The following SERPINF2 variants were observed in gnomAD, a reference collection of about 807,000 sequenced individuals.
SERPINF2 encodes the protein serpin family F member 2.
Under a neutral mutation model 45.0 loss-of-function variants are expected in SERPINF2, and 15 were observed. The ratio of observed to expected loss-of-function variants is 0.33; its 90% CI spans 0.22 to 0.51. The LOEUF (loss-of-function observed/expected upper bound fraction) is 0.51, where lower values mean the gene tolerates loss of function less well. SERPINF2 is among the 20% of genes least tolerant of loss of function. The pLI is 0.97. For missense variants in SERPINF2, 518 were observed against 637.4 expected (o/e 0.81, Z 2.02); for synonymous variants, 283 against 277.9 (o/e 1.02, Z -0.18).
rs1425343991 is a variant in SERPINF2, at chr17:1,745,238, A to AT, written c.102+26dup. The AT allele has an allele frequency of 2.2e-6, 3 of 1,339,596 alleles. No homozygotes were observed. The highest frequency in any genetic ancestry group is 3.0e-6 in the Non-Finnish European group (3 of 1,005,630). The allele number at this position is 1,339,596 out of a possible 1,614,324, so 83.0% of individuals were successfully genotyped here. On this transcript the variant is annotated intron_variant, in intron 3 of 9. Transcript: ENST00000453066. The surrounding 1 kb of genome is among the most constrained non-coding windows in gnomAD (Gnocchi z 6.2). ...GGTACTGGGGAGTGAGGAGCCTGTG[A>AT]TGGGGGGAAGGTCCCGGGGGTCTCA...
Position 1,745,463 on chromosome 17 carries a change from G to C in SERPINF2, c.165+68G>C. 1 of 1,473,456 alleles carries C rather than the reference G, an allele frequency of 6.8e-7. No homozygotes were observed. Among genetic ancestry groups the C allele is most frequent in the Non-Finnish European group, 9.4e-7 (1 of 1,067,638 alleles). 91.3% of individuals were successfully genotyped at this position (1,473,456 alleles called of 1,614,324 possible). ...GGAGGAGGGCCCATCGGCAGGGGTC[G>C]GGGGGTGGGGGCGCGTGCTGAGGCT... On this transcript the variant is annotated intron_variant, in intron 4 of 9. Coordinates refer to ENST00000453066, the MANE Select transcript of SERPINF2 (RefSeq NM_000934.4). The surrounding 1 kb of genome is among the most constrained non-coding windows in gnomAD (Gnocchi z 6.2).
chr17:1,747,644 A>G (rs1343652668), intron 7 of SERPINF2, 132 bp downstream of exon 7: 1 of 959,392 alleles, frequency 1.0e-6, no homozygotes, highest in Non-Finnish European at 1.6e-6. Context: ...GGCTCCCTGC[A>G]ACCTCCGCCT....
intron 7 of SERPINF2, among the ~76,000 whole-genome samples, chr17:1,748,291 G>A (rs1166245636): frequency 8.1e-5 from 11 of 136,566 alleles, no homozygotes; most frequent in African/African-American, 2.9e-4. Context: ...GCGACAGAGC[G>A]AGACTCCGTC....
intron 8 of SERPINF2, among the ~76,000 whole-genome samples, chr17:1,751,042 C>T (rs554478728): frequency 3.9e-5 from 6 of 152,350 alleles, no homozygotes; most frequent in South Asian, 4.1e-4. Context: ...TATCCTCCCA[C>T]GGGCAGGGGT....
At position 1,754,450 on chromosome 17, in the gene SERPINF2, C is replaced by T; in HGVS notation, c.1392C>T (p.Pro464=). 1 of 1,609,214 alleles carries T rather than the reference C, an allele frequency of 6.2e-7. No individual in the cohort carries two copies. Among genetic ancestry groups the T allele is most frequent in the Admixed American group, 1.7e-5 (1 of 59,554 alleles). Residue 464 remains proline (P), a synonymous_variant, in exon 10 of 10, where the codon CCC becomes CCT. Coordinates refer to ENST00000453066, the MANE Select transcript of SERPINF2 (RefSeq NM_000934.4). Reference sequence around the variant, plus strand: ...TCCTCCAGAGCCTGAAAGGCTTCCCCCGCGGAGACAAGCTTTTCGGCCCTG... The same window carrying T: ...TCCTCCAGAGCCTGAAAGGCTTCCCTCGCGGAGACAAGCTTTTCGGCCCTG... ...KDFLQSLKGF[P]RGDKLFGPDL...
intron 1 of SERPINF2, chr17:1,744,517 C>T: frequency 1.0e-6 from 1 of 983,598 alleles, no homozygotes; most frequent in East Asian, 1.1e-4. Context: ...CAAAAAATCC[C>T]AAAAAGACGG....
chr17:1,746,182 G>A (rs374599910), intron 5 of SERPINF2, among the ~76,000 whole-genome samples: 2 of 152,152 alleles, frequency 1.3e-5, no homozygotes, highest in African/African-American at 4.8e-5. Flanking sequence ...GCTGTGCGTG[G>A]TGGTGCGCAC....
rs1905736389 is a variant in SERPINF2, at chr17:1,745,521, G to T, written c.165+126G>T. On this transcript the variant is annotated intron_variant, in intron 4 of 9. Coordinates refer to ENST00000453066, the MANE Select transcript of SERPINF2 (RefSeq NM_000934.4). This position sits in a 1 kb window ranked among gnomAD's most constrained non-coding sequence, Gnocchi z 6.2. ...TGGAGTCCAGAGGCCAGAAGGGAGAGAGGGTGGGGAGGACCGAAGGTGGGC... is the reference window on the plus strand; with the variant it reads ...TGGAGTCCAGAGGCCAGAAGGGAGATAGGGTGGGGAGGACCGAAGGTGGGC... The T allele has an allele frequency of 7.9e-7, 1 of 1,264,570 alleles. No individual in the cohort carries two copies. The highest frequency in any genetic ancestry group is 1.5e-5 in the African/African-American group (1 of 67,952). The allele number at this position is 1,264,570 out of a possible 1,614,324, so 78.3% of individuals were successfully genotyped here.
chr17:1,746,938 G>A, intron 5 of SERPINF2, 81 bp from the exon 6 acceptor site: 1 of 1,541,382 alleles, frequency 6.5e-7, no homozygotes, highest in Non-Finnish European at 8.8e-7. Flanking sequence ...CCTCGTCACG[G>A]GTATCCAGGA....
chr17:1,744,681 A>G (rs1905627963), intron 1 of SERPINF2: 1 of 985,454 alleles, frequency 1.0e-6, no homozygotes, highest in African/African-American at 1.7e-5. Context: ...TTCACAGCGC[A>G]GGGCCTTGTA....
chr17:1,751,952 C>G (rs1023550825), intron 8 of SERPINF2, among the ~76,000 whole-genome samples: 1 of 138,780 alleles, frequency 7.2e-6, no homozygotes, highest in South Asian at 2.4e-4. Flanking sequence ...ACAGGCGATT[C>G]CTTACGCCGG....
chr17:1,745,935 C>T lies in SERPINF2; in HGVS notation c.367+26C>T. The T allele has an allele frequency of 1.9e-6, 3 of 1,604,042 alleles. No homozygotes were observed. Among genetic ancestry groups the T allele is most frequent in the Non-Finnish European group, 2.6e-6 (3 of 1,175,242 alleles). On this transcript the variant is annotated intron_variant, in intron 5 of 9. Transcript: ENST00000453066. This position sits in a 1 kb window ranked among gnomAD's most constrained non-coding sequence, Gnocchi z 6.2. The stretch of plus-strand genomic sequence containing the variant: ...GTACCCTGGCACCACTTGTCCAGAC[C>T]AAGAGAGCTGGGAGGCCAGTAGGAA...
In SERPINF2 at chr17:1,745,766, C is replaced by T. The variant is rs139043729; in HGVS notation, c.224C>T (p.Thr75Ile). The T allele has an allele frequency of 7.8e-5, 126 of 1,613,896 alleles. No individual in the cohort carries two copies. In the Middle Eastern group the frequency reaches 8.2e-4, roughly 11 times the overall value. Residue 75 changes from threonine (T) to isoleucine (I), a missense_variant, in exon 5 of 10, where the codon ACC becomes ATC. Transcript: ENST00000453066. The surrounding 1 kb of genome is among the most constrained non-coding windows in gnomAD (Gnocchi z 6.2). Reference sequence around the variant, plus strand: ...CCAGGAGTCTGCAGCAGAGACCCCACCCCAGAGCAGACCCACAGGCTGGCC... The same window carrying T: ...CCAGGAGTCTGCAGCAGAGACCCCATCCCAGAGCAGACCCACAGGCTGGCC... ...SPPGVCSRDP[T>I]PEQTHRLARA...
rs1305891278 is a variant in SERPINF2, at chr17:1,754,241, G to T, written c.1183G>T (p.Ala395Ser). Residue 395 changes from alanine to serine, a missense_variant, in exon 10 of 10, where the codon GCG becomes TCG. Coordinates refer to ENST00000453066, the MANE Select transcript of SERPINF2 (RefSeq NM_000934.4). ...CAGCGAGGTCGGCGTGGAGGCGGCG[G>T]CGGCCACCAGCATTGCCATGTCCCG... ...ELSEVGVEAA[A>S]ATSIAMSRMS... The T allele has an allele frequency of 6.2e-7, 1 of 1,614,032 alleles. No individual in the cohort carries two copies. The highest frequency in any genetic ancestry group is 8.5e-7 in the Non-Finnish European group (1 of 1,180,036).
intron 1 of SERPINF2, chr17:1,743,134 G>C: frequency 2.1e-6 from 2 of 974,850 alleles, no homozygotes; most frequent in Non-Finnish European, 2.4e-6. Flanking sequence ...GGGCCGGGGG[G>C]ACCAAAGGAT....
At position 1,747,306 on chromosome 17, in the gene SERPINF2, C is replaced by A. The variant is rs570406507; in HGVS notation, c.512-3C>A. ...GGGAACAGCTTGTGCTGCCTCCGTG[C>A]AGGATTTCCCATCAAAGAAGATTTC... On this transcript the variant is annotated splice_polypyrimidine_tract_variant and splice_region_variant and intron_variant, in intron 6 of 9. Coordinates refer to ENST00000453066, the MANE Select transcript of SERPINF2 (RefSeq NM_000934.4). The A allele has an allele frequency of 8.1e-5, 131 of 1,613,764 alleles. 3 individuals carry two copies. The South Asian group carries it at 1.4e-3, about 17-fold the overall frequency.
rs745747941 is a variant in SERPINF2 at position 1,745,968 on chromosome 17, C to T, written c.367+59C>T. 5 of 1,568,244 alleles carry T rather than the reference C, an allele frequency of 3.2e-6. No individual in the cohort carries two copies. The highest frequency in any genetic ancestry group is 1.4e-5 in the African/African-American group (1 of 73,938). On this transcript the variant is annotated intron_variant, in intron 5 of 9. Coordinates refer to ENST00000453066, the MANE Select transcript of SERPINF2 (RefSeq NM_000934.4). This position sits in a 1 kb window ranked among gnomAD's most constrained non-coding sequence, Gnocchi z 6.2. ...CTGGGAGGCCAGTAGGAACTCAGTA[C>T]TCCAATGGTTCTCCGCGGGCGGTTC...
At chr17:1,752,046 A>C (rs1395832280) in intron 8 of SERPINF2, among the ~76,000 whole-genome samples, 1 of 137,732 alleles carries the variant, frequency 7.3e-6, no homozygotes, top group African/African-American at 2.5e-5. Flanking sequence ...ACACTGCTAC[A>C]ATGTTGTTTT....
At chr17:1,748,574 C>G in intron 7 of SERPINF2, 24 bp from the exon 8 acceptor site, 1 of 1,611,746 alleles carries the variant, frequency 6.2e-7, no homozygotes, top group Non-Finnish European at 8.5e-7. Flanking sequence ...GTCGACGTGA[C>G]CCCTGCCCTC....
Sources: gnomAD v4.1 joint callset for allele counts (sites outside exome capture counted in the v4.1 genomes callset) on GRCh38, gnomAD v4.1.1 for gene constraint, Gnocchi (gnomAD v3.1) non-coding constraint, MANE v1.5 for transcripts, NCBI Gene and HGNC (gene_info 2026-07-23, HGNC 2026-07-21) for gene names.